Variants in FES observed in about 807,000 individuals in gnomAD.
FES encodes the protein FES proto-oncogene, tyrosine kinase.
A neutral mutation model predicts 109.6 loss-of-function variants in FES; 83 were observed. That is an observed-to-expected ratio of 0.76 (90% confidence interval 0.63 to 0.91). The LOEUF (loss-of-function observed/expected upper bound fraction) is 0.91, where lower values mean the gene tolerates loss of function less well. Among genes scored for constraint, FES ranks in the 40% least tolerant of loss-of-function variants. The pLI is 0.00. For missense variants in FES, 943 were observed against 1,070.9 expected, an observed-to-expected ratio of 0.88 and a Z score of 1.67; for synonymous variants, 458 against 442.1, an observed-to-expected ratio of 1.04 and a Z score of -0.45.
At chr15:90,890,567 A>G in intron 10 of FES, 83 bp downstream of exon 10, 2 of 1,286,252 alleles carry the variant, frequency 1.6e-6, no homozygotes, top group Non-Finnish European at 1.1e-6. Context: ...GGCTCTGCCC[A>G]GGCTGCTTGT....
Position 90,892,843 on chromosome 15 carries a change from G to T in FES, c.1826+18G>T, listed in dbSNP as rs1311036034. ...GAAGCGAGGTGGGTGATAAACTAAT[G>T]ATCACCACGGGTCCCGCATACACAG... On this transcript the variant is annotated intron_variant, in intron 14 of 18. Coordinates refer to ENST00000328850, the MANE Select transcript of FES (RefSeq NM_002005.4). 1.3e-6 allele frequency: 2 copies of T among 1,598,324 alleles called. No individual in the cohort carries two copies. Among genetic ancestry groups the T allele is most frequent in the Non-Finnish European group, 1.7e-6 (2 of 1,166,506 alleles).
chr15:90,891,249 C>A, intron 11 of FES, 58 bp downstream of exon 11: 2 of 1,520,782 alleles, frequency 1.3e-6, no homozygotes. Flanking sequence ...CCTTCCCTTC[C>A]CCAAGGGAAA....
intron 13 of FES, 53 bp downstream of exon 13, chr15:90,892,164 G>A (rs1057142023): frequency 3.1e-5 from 50 of 1,601,692 alleles, no homozygotes; most frequent in African/African-American, 9.4e-5. Flanking sequence ...CCTGAGTCGC[G>A]CCTGGGCCCC....
chr15:90,893,288 C>A lies in FES; in HGVS notation c.1922-3C>A. ...GCTCAGCAGGGGTCCTCCCCACCTG[C>A]AGGGGGCGACTTCCTGACCTTCCTC... On this transcript the variant is annotated splice_region_variant and splice_polypyrimidine_tract_variant and intron_variant, in intron 15 of 18. Coordinates refer to ENST00000328850, the MANE Select transcript of FES (RefSeq NM_002005.4). The A allele has an allele frequency of 1.2e-6, 2 of 1,602,184 alleles. No individual in the cohort carries two copies. The highest frequency in any genetic ancestry group is 1.7e-6 in the Non-Finnish European group (2 of 1,173,764).
rs2032457476 is a variant in FES at position 90,885,230 on chromosome 15, C to T, written c.185C>T (p.Ala62Val). 2 of 1,613,212 alleles carry T rather than the reference C, an allele frequency of 1.2e-6. No homozygotes were observed. Among genetic ancestry groups the T allele is most frequent in the East Asian group, 4.5e-5 (2 of 44,876 alleles). The change falls in exon 2 of 19, where the codon GCC becomes GTC. Residue 62 changes from alanine to valine, a missense_variant. Transcript: ENST00000328850. ...SLQDSGGQSR[A>V]ISPDSPISQS... ...CAGGACAGTGGGGGCCAGAGCCGGG[C>T]CATCAGCCCTGACAGCCCCATCAGT...
chr15:90,889,307 A>G lies in FES; in HGVS notation c.670A>G (p.Lys224Glu). The G allele has an allele frequency of 1.2e-6, 2 of 1,613,290 alleles. No individual in the cohort carries two copies. Among genetic ancestry groups the G allele is most frequent in the Non-Finnish European group, 1.7e-6 (2 of 1,179,844 alleles). ...DLHEEMACIL[K>E]EILQEYLEIS... is the part of the protein sequence containing the mutation. ...CTGGGGATCCCGTCTCGGGGGCAGGAAGGAGATCCTGCAGGAATACCTGGA... is the reference window on the plus strand; with the variant it reads ...CTGGGGATCCCGTCTCGGGGGCAGGGAGGAGATCCTGCAGGAATACCTGGA... Residue 224 changes from lysine (K) to glutamate (E), a missense_variant and splice_region_variant, in exon 6 of 19, where the codon AAG (lysine) becomes GAG (glutamate). Coordinates refer to ENST00000328850, the MANE Select transcript of FES (RefSeq NM_002005.4). This position sits in a 1 kb window ranked among gnomAD's most constrained non-coding sequence, Gnocchi z 6.1.
Position 90,885,248 on chromosome 15 carries a change from C to T in FES, c.203C>T (p.Pro68Leu), listed in dbSNP as rs1370511591. The change falls in exon 2 of 19, where the codon CCC becomes CTC. Residue 68 changes from proline (P) to leucine (L), a missense_variant. Pro to Leu is a moderately conservative substitution (Grantham distance 98). Coordinates refer to ENST00000328850, the MANE Select transcript of FES (RefSeq NM_002005.4). ...AGCCGGGCCATCAGCCCTGACAGCC[C>T]CATCAGTCAGGTGGGTCTCTATGGG... is the stretch of plus-strand genomic sequence containing the variant. ...GQSRAISPDS[P>L]ISQSWAEITS... 1.9e-6 allele frequency: 3 copies of T among 1,612,490 alleles called. No homozygotes were observed. Among genetic ancestry groups the T allele is most frequent in the Middle Eastern group, 1.7e-4 (1 of 6,060 alleles).
chr15:90,890,370 G>A, intron 9 of FES, 31 bp from the exon 10 acceptor site: 1 of 1,608,574 alleles, frequency 6.2e-7, no homozygotes, highest in Non-Finnish European at 8.5e-7. Flanking sequence ...CCTAAGCCTG[G>A]CCACCCGCTG....
chr15:90,891,799 A>C, intron 12 of FES, 123 bp downstream of exon 12: 1 of 1,418,014 alleles, frequency 7.1e-7, no homozygotes. Flanking sequence ...CAAGATGCAG[A>C]GTGAGTGACC....
rs772926958 is a variant in FES at position 90,887,158 on chromosome 15, A to T, written c.485-29A>T. On this transcript the variant is annotated intron_variant, in intron 4 of 18. Transcript: ENST00000328850. ...GGGCTGCCTGGGCCTCCATGCTGTCATCTATACCCCTTGCCCCCCTTCTGG... is the reference window on the plus strand; with the variant it reads ...GGGCTGCCTGGGCCTCCATGCTGTCTTCTATACCCCTTGCCCCCCTTCTGG... 3.1e-6 allele frequency: 5 copies of T among 1,611,828 alleles called. No individual in the cohort carries two copies. In the Admixed American group the frequency reaches 8.3e-5, roughly 27 times the overall value.
intron 3 of FES, among the ~76,000 whole-genome samples, chr15:90,886,748 C>T (rs770003415): frequency 7.9e-5 from 12 of 152,202 alleles, no homozygotes; most frequent in Non-Finnish European, 1.6e-4. Context: ...AAGGAGGGAC[C>T]ATTGTAGCCT....
rs763032013 is a variant in FES at position 90,885,057 on chromosome 15, T to C, written c.12T>C (p.Ser4=). The C allele has an allele frequency of 3.7e-6, 6 of 1,611,558 alleles. No homozygotes were observed. In the African/African-American group the frequency reaches 5.3e-5, roughly 14 times the overall value. Residue 4 remains serine, a synonymous_variant, in exon 2 of 19, where the codon TCT becomes TCC. Transcript: ENST00000328850. MGF[S]SELCSPQGHG... is the part of the protein sequence containing the mutation. ...CCCAGAACAGCACTATGGGCTTCTC[T>C]TCCGAGCTGTGCAGCCCCCAGGGCC...
At chr15:90,891,244 C>T in intron 11 of FES, 53 bp downstream of exon 11, 2 of 1,533,938 alleles carry the variant, frequency 1.3e-6, no homozygotes, top group East Asian at 2.5e-5. Flanking sequence ...CCCTCCCTTC[C>T]CTTCCCCAAG....
At position 90,890,496 on chromosome 15, in the gene FES, C is replaced by A. The variant is rs772718520; in HGVS notation, c.1320+12C>A. On this transcript the variant is annotated intron_variant, in intron 10 of 18. Transcript: ENST00000328850. ...GCCCCAAGTTCTCGGTGAGTGGCGCCCAGCCTGGGCCCCCCTACTGTTGTG... is the reference window on the plus strand; with the variant it reads ...GCCCCAAGTTCTCGGTGAGTGGCGCACAGCCTGGGCCCCCCTACTGTTGTG... 6.2e-7 allele frequency: 1 copy of A among 1,606,744 alleles called. No homozygotes were observed. Among genetic ancestry groups the A allele is most frequent in the Non-Finnish European group, 8.5e-7 (1 of 1,175,180 alleles).
chr15:90,886,867 C>A, intron 3 of FES, 94 bp from the exon 4 acceptor site: 1 of 1,190,096 alleles, frequency 8.4e-7, no homozygotes, highest in Non-Finnish European at 1.2e-6. Context: ...TGCTCCTTGC[C>A]TGACGACAGG....
intron 3 of FES, among the ~76,000 whole-genome samples, chr15:90,885,874 A>C (rs892110648): frequency 6.6e-6 from 1 of 152,040 alleles, no homozygotes; most frequent in African/African-American, 2.4e-5. Context: ...TCGCCTCCAC[A>C]CTGTGCCATC....
intron 4 of FES, 47 bp from the exon 5 acceptor site, chr15:90,887,140 C>T: frequency 6.2e-7 from 1 of 1,611,996 alleles, no homozygotes; most frequent in African/African-American, 1.3e-5. Flanking sequence ...TGGGGGCTGC[C>T]TGGGCCTCCA....
intron 3 of FES, among the ~76,000 whole-genome samples, chr15:90,886,700 A>G (rs931573866): frequency 2.0e-5 from 3 of 152,350 alleles, no homozygotes; most frequent in African/African-American, 4.8e-5. Flanking sequence ...CACACCTGCA[A>G]CTGGCCCTGC....
In FES at chr15:90,889,129, A is replaced by G. The variant is rs2032947635; in HGVS notation, c.669-177A>G. 3 of 732,084 alleles carry G rather than the reference A, an allele frequency of 4.1e-6. No individual in the cohort carries two copies. Among genetic ancestry groups the G allele is most frequent in the Non-Finnish European group, 6.6e-6 (3 of 456,666 alleles). The allele number at this position is 732,084 out of a possible 1,614,324, so 45.3% of individuals were successfully genotyped here. Reference sequence around the variant, plus strand: ...AACTGCCAGTGTCCCTCTTATATATATCAGGAAATAGAAGATTAGGGAGAG... The same window carrying G: ...AACTGCCAGTGTCCCTCTTATATATGTCAGGAAATAGAAGATTAGGGAGAG... On this transcript the variant is annotated intron_variant, in intron 5 of 18. Transcript: ENST00000328850. The surrounding 1 kb of genome is among the most constrained non-coding windows in gnomAD (Gnocchi z 6.1).
Sources: gnomAD v4.1 joint callset for allele counts (sites outside exome capture counted in the v4.1 genomes callset) on GRCh38, gnomAD v4.1.1 for gene constraint, Gnocchi (gnomAD v3.1) non-coding constraint, MANE v1.5 for transcripts, NCBI Gene and HGNC (gene_info 2026-07-23, HGNC 2026-07-21) for gene names.